PAFAH1B1: variants seen among roughly 807,000 people sequenced by gnomAD.
PAFAH1B1 encodes platelet activating factor acetylhydrolase 1b regulatory subunit 1.
A neutral mutation model predicts 57.5 loss-of-function variants in PAFAH1B1; 2 were observed. The ratio of observed to expected loss-of-function variants is 0.03; its 90% confidence interval spans 0.01 to 0.11. The LOEUF is 0.11. Ranked by LOEUF, PAFAH1B1 falls within the 10% of genes least tolerant of loss-of-function variation. PAFAH1B1 has a pLI of 1.00. For synonymous variants in PAFAH1B1, 152 were observed against 169.6 expected (o/e 0.90, Z 0.81); for missense variants, 257 against 512.0 (o/e 0.50, Z 4.81).
At chr17:2,621,670 G>A (rs1019185436) in intron 1 of PAFAH1B1, among the ~76,000 whole-genome samples, 2 of 120,182 alleles carry the variant, frequency 1.7e-5, no homozygotes, top group Non-Finnish European at 3.3e-5. Context: ...CTGTTGCCCA[G>A]GCTGGAGTGC....
intron 1 of PAFAH1B1, 27 bp from the exon 2 acceptor site, chr17:2,638,072 C>CT (rs1001002978): frequency 2.8e-4 from 133 of 480,344 alleles, no homozygotes; most frequent in South Asian, 9.6e-4. Context: ...GTGAAATAAT[C>CT]TTTTTTTTTC....
At chr17:2,650,315 CAG>C (rs771313452) in intron 2 of PAFAH1B1, among the ~76,000 whole-genome samples, 44 of 152,124 alleles carry the variant, frequency 2.9e-4, no homozygotes, top group Admixed American at 3.3e-4. Context: ...AGTTCAAGAC[CAG>C]CTTGGACAAC....
At position 2,676,519 on chromosome 17, in the gene PAFAH1B1, T is replaced by C. The variant is rs775210372; in HGVS notation, c.915T>C (p.Gly305=). Residue 305 remains glycine, a synonymous_variant, in exon 9 of 11, where the codon GGT becomes GGC. Coordinates refer to ENST00000397195, the MANE Select transcript of PAFAH1B1 (RefSeq NM_000430.4). The part of the protein sequence containing the change: ...EATGSETKKS[G]KPGPFLLSGS... Reference sequence around the variant, plus strand: ...GTTTTCTGTAGACTAAAAAAAGTGGTAAACCTGGGCCATTCTTGCTGTCTG... The same window carrying C: ...GTTTTCTGTAGACTAAAAAAAGTGGCAAACCTGGGCCATTCTTGCTGTCTG... 1.2e-6 allele frequency: 2 copies of C among 1,611,086 alleles called. No individual in the cohort carries two copies. Among genetic ancestry groups the C allele is most frequent in the African/African-American group, 2.7e-5 (2 of 74,978 alleles).
intron 1 of PAFAH1B1, among the ~76,000 whole-genome samples, chr17:2,614,133 A>G (rs1046256505): frequency 1.1e-4 from 16 of 143,408 alleles, no homozygotes; most frequent in African/African-American, 3.9e-4. Flanking sequence ...GGCTCAAGCT[A>G]TCCTCCCACC....
chr17:2,656,749 CCTTT>C (rs764750720), intron 2 of PAFAH1B1, among the ~76,000 whole-genome samples: 6 of 152,176 alleles, frequency 3.9e-5, no homozygotes, highest in Non-Finnish European at 8.8e-5. Flanking sequence ...CAGTGGTCTT[CCTTT>C]GTTTAGTTTG....
At chr17:2,643,952 T>C (rs1597547052) in intron 2 of PAFAH1B1, among the ~76,000 whole-genome samples, 1 of 152,292 alleles carries the variant, frequency 6.6e-6, no homozygotes, top group East Asian at 1.9e-4. Flanking sequence ...CACTGCAGCA[T>C]TTAATTTCTG....
intron 7 of PAFAH1B1, among the ~76,000 whole-genome samples, chr17:2,673,502 G>A (rs374528885): frequency 2.7e-3 from 404 of 152,226 alleles, no homozygotes; most frequent in African/African-American, 8.9e-3. Context: ...AGCCGGGCGT[G>A]GTGGCGGGCG....
chr17:2,667,342 A>T, intron 5 of PAFAH1B1, 144 bp downstream of exon 5: 8 of 664,414 alleles, frequency 1.2e-5, no homozygotes, highest in South Asian at 1.1e-4. Flanking sequence ...TCAAAAAAAA[A>T]AAGCAGACTT....
At chr17:2,605,201 G>A (rs1399936084) in intron 1 of PAFAH1B1, among the ~76,000 whole-genome samples, 1 of 152,170 alleles carries the variant, frequency 6.6e-6, no homozygotes, top group African/African-American at 2.4e-5. Context: ...TAGGAGGTCC[G>A]GTTGTGAATG....
intron 2 of PAFAH1B1, among the ~76,000 whole-genome samples, chr17:2,664,694 T>C (rs3029951): frequency 0.62 from 70,209 of 113,238 alleles, 18,398 homozygotes; most frequent in East Asian, 0.73. Flanking sequence ...CTCTCTCTCT[T>C]TCTCTCTCCA....
At position 2,684,906 on chromosome 17, in the gene PAFAH1B1, T is replaced by G. The variant is rs2069451904; in HGVS notation, c.*3104T>G. On this transcript the variant is annotated 3_prime_UTR_variant, in exon 11 of 11. Transcript: ENST00000397195. ...TTCTGTGTGAACTTTCCCGGTAATA[T>G]CACTCGTTAAATAGGTTTTCTTTAA... The G allele has an allele frequency of 6.6e-6, 1 of 152,216 alleles. No homozygotes were observed. The highest frequency in any genetic ancestry group is 6.5e-5 in the Admixed American group (1 of 15,270). The allele number at this position is 152,216 out of a possible 1,614,324, so 9.4% of individuals were successfully genotyped here.
In PAFAH1B1 at chr17:2,682,093, C is replaced by G. The variant is rs1382587404; in HGVS notation, c.*291C>G. 3.0e-6 allele frequency: 1 copy of G among 332,348 alleles called. No individual in the cohort carries two copies. The highest frequency in any genetic ancestry group is 5.5e-6 in the Non-Finnish European group (1 of 180,744). 20.6% of individuals were successfully genotyped at this position (332,348 alleles called of 1,614,324 possible). A position where few individuals can be genotyped will look rare whatever the true frequency, so the allele number is the denominator to read the frequency against. ...AGAAGTTGAATCAATTGAACTAGGG[C>G]ACTAAACTGAATAGTTGACAGTGTC... On this transcript the variant is annotated 3_prime_UTR_variant, in exon 11 of 11. Transcript: ENST00000397195.
At chr17:2,676,679 T>C in intron 9 of PAFAH1B1, 73 bp downstream of exon 9, 1 of 876,410 alleles carries the variant, frequency 1.1e-6, no homozygotes, top group Non-Finnish European at 2.0e-6. Flanking sequence ...TGCTTTATGA[T>C]ATCTTAAATA....
At chr17:2,664,694 T>TCTCTCTCTCTCTCTCTCTC (rs1567554200) in intron 2 of PAFAH1B1, among the ~76,000 whole-genome samples, 1 of 114,460 alleles carries the variant, frequency 8.7e-6, no homozygotes, top group Non-Finnish European at 2.0e-5. Context: ...CTCTCTCTCT[T>TCTCTCTCTCTCTCTCTCTC]TCTCTCTCCA....
intron 1 of PAFAH1B1, chr17:2,635,532 C>T (rs2068612101): frequency 6.6e-6 from 1 of 151,728 alleles, no homozygotes; most frequent in South Asian, 2.1e-4. Context: ...CATGCCCTGC[C>T]AATTTTTTTT....
At chr17:2,633,738 C>G (rs2151631215) in intron 1 of PAFAH1B1, among the ~76,000 whole-genome samples, 1 of 152,208 alleles carries the variant, frequency 6.6e-6, no homozygotes, top group Non-Finnish European at 1.5e-5. Context: ...CCTTACTTTG[C>G]TTGATAGTTG....
intron 1 of PAFAH1B1, among the ~76,000 whole-genome samples, chr17:2,595,265 C>A (rs1304760152): frequency 6.7e-6 from 1 of 149,196 alleles, no homozygotes; most frequent in Admixed American, 6.6e-5. Flanking sequence ...AAAGGCCAAA[C>A]AAACAATTTG....
intron 2 of PAFAH1B1, among the ~76,000 whole-genome samples, chr17:2,660,811 C>G (rs578130656): frequency 1.2e-4 from 19 of 152,262 alleles, no homozygotes; most frequent in Non-Finnish European, 2.6e-4. Context: ...CTTCTAGATT[C>G]TTGAGGAATC....
intron 1 of PAFAH1B1, among the ~76,000 whole-genome samples, chr17:2,635,907 C>A (rs891331915): frequency 6.7e-6 from 1 of 149,402 alleles, no homozygotes; most frequent in African/African-American, 2.5e-5. Context: ...TTGAGACCAG[C>A]CTGGGCAACG....
Sources: allele counts gnomAD v4.1 joint callset (sites outside exome capture counted in the v4.1 genomes callset), GRCh38; gene constraint gnomAD v4.1.1; transcripts MANE v1.5; gene names NCBI Gene and HGNC (gene_info 2026-07-23, HGNC 2026-07-21).